The following DNAH11 variants were observed in gnomAD, a reference collection of about 807,000 sequenced individuals.
The protein encoded by DNAH11 is dynein axonemal heavy chain 11.
Under a neutral mutation model 526.0 loss-of-function variants are expected in DNAH11, and 442 were observed. The observed-to-expected ratio is 0.84, with a 90% confidence interval of 0.78 to 0.91. The LOEUF is 0.91. Ranked by LOEUF, DNAH11 falls within the 40% of genes least tolerant of loss-of-function variation. The pLI, the probability that DNAH11 is intolerant of heterozygous loss-of-function variation, is 0.00. For synonymous variants in DNAH11, 2,461 were observed against 1,935.9 expected (o/e 1.27, Z -7.12); for missense variants, 6,989 against 5,448.7 (o/e 1.28, Z -8.90).
intron 28 of DNAH11, among the ~76,000 whole-genome samples, chr7:21,649,748 C>A (rs895258339): frequency 5.3e-5 from 8 of 151,784 alleles, no homozygotes. Flanking sequence ...TCACTGCAAC[C>A]TCCACCTCCT....
intron 14 of DNAH11, among the ~76,000 whole-genome samples, chr7:21,592,311 T>C (rs758624947): frequency 1.3e-5 from 2 of 152,150 alleles, no homozygotes; most frequent in Admixed American, 6.5e-5. Flanking sequence ...TTTCCTAAGA[T>C]AGTATTTCTG....
chr7:21,653,504 G>C (rs17747892), intron 28 of DNAH11, among the ~76,000 whole-genome samples: 1 of 152,124 alleles, frequency 6.6e-6, no homozygotes, highest in African/African-American at 2.4e-5. Context: ...ATGTGTGAGG[G>C]TGTCTGATGG....
intron 35 of DNAH11, among the ~76,000 whole-genome samples, chr7:21,691,673 T>C (rs1238200798): frequency 6.6e-6 from 1 of 152,260 alleles, no homozygotes; most frequent in East Asian, 1.9e-4. Context: ...ACAGTAGGCA[T>C]GATTTTTCTT....
rs1184400543 is a variant in DNAH11, at chr7:21,852,560, T to G, written c.10990T>G (p.Phe3664Val). 2 of 1,612,702 alleles carry G rather than the reference T, an allele frequency of 1.2e-6. No homozygotes were observed. Among genetic ancestry groups the G allele is most frequent in the Non-Finnish European group, 8.5e-7 (1 of 1,179,570 alleles). The change falls in exon 67 of 82, where the codon TTT becomes GTT. Residue 3664 changes from phenylalanine (F) to valine (V), a missense_variant. By Grantham distance (50) the Phe-to-Val change is conservative. Transcript: ENST00000409508. Reference sequence around the variant, plus strand: ...GCGCCTTTCTGCGGCAGAGGGAAGCTTTCTGGATGACACCAAACTGGTAGA... The same window carrying G: ...GCGCCTTTCTGCGGCAGAGGGAAGCGTTCTGGATGACACCAAACTGGTAGA... Reference protein sequence around the residue: ...LLRLSAAEGSFLDDTKLVERL... With the variant: ...LLRLSAAEGSVLDDTKLVERL...
At chr7:21,900,598 A>G (rs888416789) in intron 81 of DNAH11, among the ~76,000 whole-genome samples, 4 of 152,198 alleles carry the variant, frequency 2.6e-5, no homozygotes, top group African/African-American at 9.6e-5. Context: ...TCCACAGGAC[A>G]CTTAGTCCCT....
chr7:21,843,901 A>G (rs1023446368), intron 66 of DNAH11, among the ~76,000 whole-genome samples: 1 of 152,234 alleles, frequency 6.6e-6, no homozygotes, highest in Non-Finnish European at 1.5e-5. Context: ...TTTAAATGAG[A>G]TACATTAAGA....
chr7:21,719,619 A>G (rs900988292), intron 43 of DNAH11, among the ~76,000 whole-genome samples: 5 of 152,306 alleles, frequency 3.3e-5, no homozygotes, highest in Middle Eastern at 3.4e-3. Context: ...GTTTTTTTCT[A>G]TTAAAAGATT....
At chr7:21,642,460 G>A (rs1040346928) in intron 28 of DNAH11, among the ~76,000 whole-genome samples, 7 of 152,094 alleles carry the variant, frequency 4.6e-5, no homozygotes, top group African/African-American at 1.7e-4. Flanking sequence ...ATGCCAGATA[G>A]TGTGATCTTG....
rs765276431 is a variant in DNAH11, at chr7:21,570,164, C to T, written c.1290C>T (p.Phe430=). 6.2e-7 allele frequency: 1 copy of T among 1,613,436 alleles called. No homozygotes were observed. Residue 430 remains phenylalanine (F), a synonymous_variant, in exon 7 of 82, where the codon TTC becomes TTT. Transcript: ENST00000409508. ...VQVAVNILKT[F]KNSFFNYRKK... is the part of the protein sequence containing the mutation. ...TGGCTGTTAACATCTTAAAGACTTT[C>T]AAAAACTCCTTTTTCAACTATAGAA... is the stretch of plus-strand genomic sequence containing the variant.
At chr7:21,734,885 C>T (rs1401353407) in intron 45 of DNAH11, among the ~76,000 whole-genome samples, 1 of 151,300 alleles carries the variant, frequency 6.6e-6, no homozygotes, top group African/African-American at 2.4e-5. Flanking sequence ...AAAAAACTCA[C>T]AATCAACCGG....
At chr7:21,767,046 A>G (rs1052255692) in intron 55 of DNAH11, among the ~76,000 whole-genome samples, 21 of 152,356 alleles carry the variant, frequency 1.4e-4, no homozygotes, top group African/African-American at 4.8e-4. Flanking sequence ...CTGGAAAATC[A>G]TTAAATGTGA....
chr7:21,836,636 A>G (rs771889899), intron 65 of DNAH11, among the ~76,000 whole-genome samples: 28 of 152,152 alleles, frequency 1.8e-4, no homozygotes, highest in Non-Finnish European at 2.9e-4. Context: ...AAACTATAAA[A>G]CTACTAGAAG....
chr7:21,569,435 G>C (rs1354010048), intron 6 of DNAH11, among the ~76,000 whole-genome samples: 1 of 152,176 alleles, frequency 6.6e-6, no homozygotes, highest in Non-Finnish European at 1.5e-5. Flanking sequence ...TTGATCCCAT[G>C]AGAATTTGAC....
Position 21,588,575 on chromosome 7 carries a change from G to T in DNAH11, c.1912G>T (p.Ala638Ser). 6.2e-7 allele frequency: 1 copy of T among 1,613,476 alleles called. No homozygotes were observed. The highest frequency in any genetic ancestry group is 8.5e-7 in the Non-Finnish European group (1 of 1,179,468). Residue 638 changes from alanine (A) to serine (S), a missense_variant, in exon 11 of 82, where the codon GCC becomes TCC. By Grantham distance (99) the Ala-to-Ser change is moderately conservative. Coordinates refer to ENST00000409508, the MANE Select transcript of DNAH11 (RefSeq NM_001277115.2). Reference protein sequence around the residue: ...MPFTSGNMKWAQQVLQRLQMF... With the variant: ...MPFTSGNMKWSQQVLQRLQMF... The stretch of plus-strand genomic sequence containing the variant: ...ATTTACCTCAGGAAATATGAAATGG[G>T]CCCAGCAGGTTCTCCAACGACTTCA...
At chr7:21,883,550 A>T (rs1357259310) in intron 75 of DNAH11, among the ~76,000 whole-genome samples, 1 of 152,222 alleles carries the variant, frequency 6.6e-6, no homozygotes. Context: ...TTCTAAATAC[A>T]CCCCAAATTC....
intron 73 of DNAH11, among the ~76,000 whole-genome samples, chr7:21,872,860 G>A (rs1449326622): frequency 6.6e-6 from 1 of 152,126 alleles, no homozygotes; most frequent in African/African-American, 2.4e-5. Context: ...AATGAAGAGG[G>A]TGTCAGGCAC....
chr7:21,707,850 TTAG>T lies in DNAH11; in HGVS notation c.6683+16_6683+18del, dbSNP rs750498878. ...AAAGATGGCAAGTAGTATTTCCCCT[TTAG>T]AAGTGCTCAATTTTTTTTTTCTATC... On this transcript the variant is annotated intron_variant, in intron 40 of 81. Transcript: ENST00000409508. 1.2e-4 allele frequency: 179 copies of T among 1,555,622 alleles called. No homozygotes were observed. Among genetic ancestry groups the T allele is most frequent in the Non-Finnish European group, 1.5e-4 (173 of 1,153,328 alleles).
At chr7:21,840,026 A>G (rs1417854526) in intron 65 of DNAH11, among the ~76,000 whole-genome samples, 1 of 152,234 alleles carries the variant, frequency 6.6e-6, no homozygotes, top group Admixed American at 6.5e-5. Flanking sequence ...TTTCCAGTCA[A>G]ATAACACAGC....
intron 79 of DNAH11, 125 bp downstream of exon 79, chr7:21,895,124 A>G (rs953951759): frequency 2.2e-5 from 17 of 765,306 alleles, no homozygotes; most frequent in African/African-American, 3.5e-5. Context: ...CTGTAACCGT[A>G]AAAAATTCTT....
Sources: allele counts gnomAD v4.1 joint callset (sites outside exome capture counted in the v4.1 genomes callset), GRCh38; gene constraint gnomAD v4.1.1; transcripts MANE v1.5; gene names NCBI Gene and HGNC (gene_info 2026-07-23, HGNC 2026-07-21).